The following CPEB3 variants were observed in gnomAD, a reference collection of about 807,000 sequenced individuals.
The protein encoded by CPEB3 is cytoplasmic polyadenylation element binding protein 3.
In CPEB3, 20 loss-of-function variants were observed where a neutral mutation model predicts 67.2. The observed-to-expected ratio is 0.30, with a 90% confidence interval of 0.21 to 0.43. The LOEUF is 0.43. CPEB3 is among the 20% of genes least tolerant of loss of function. The pLI, the probability that CPEB3 is intolerant of heterozygous loss-of-function variation, is 1.00. For missense variants in CPEB3, 746 were observed against 968.6 expected, an observed-to-expected ratio of 0.77 and a Z score of 3.05; for synonymous variants, 376 against 393.1, an observed-to-expected ratio of 0.96 and a Z score of 0.51.
Position 92,111,884 on chromosome 10 carries a change from A to T in CPEB3, c.1454-690T>A, listed in dbSNP as rs191449578. ...CACAAAAAGCTTCAAAAAAGTTTTT[A>T]AAAAGGCCAACAATAAGCTGGTGTG... On this transcript the variant is annotated intron_variant, in intron 6 of 9. Coordinates refer to ENST00000265997, the MANE Select transcript of CPEB3 (RefSeq NM_014912.5). Among the ~76,000 whole-genome samples the T allele has an allele frequency of 1.3e-3, 200 of 152,330 alleles. 1 individual carries two copies. Among genetic ancestry groups the T allele is most frequent in the Middle Eastern group, 3.4e-3 (1 of 294 alleles).
chr10:92,052,975 T>C (rs1405056119), intron 9 of CPEB3, among the ~76,000 whole-genome samples: 1 of 152,080 alleles, frequency 6.6e-6, no homozygotes. Flanking sequence ...AGAGGCACAA[T>C]GAATATGGGA....
intron 4 of CPEB3, among the ~76,000 whole-genome samples, chr10:92,165,761 C>A (rs1431741785): frequency 6.6e-6 from 1 of 152,232 alleles, no homozygotes; most frequent in African/African-American, 2.4e-5. Context: ...AAACCACTTT[C>A]TTTGCTTGTA....
intron 1 of CPEB3, among the ~76,000 whole-genome samples, chr10:92,267,018 G>C (rs1304589628): frequency 6.6e-6 from 1 of 151,750 alleles, no homozygotes; most frequent in East Asian, 1.9e-4. Context: ...TGGGGGACAA[G>C]AGCAAGACTT....
intron 4 of CPEB3, among the ~76,000 whole-genome samples, chr10:92,170,449 C>T (rs757094660): frequency 1.1e-4 from 17 of 152,174 alleles, no homozygotes; most frequent in South Asian, 2.1e-4. Context: ...CTGCATAATA[C>T]TGCTATACCT....
intron 2 of CPEB3, among the ~76,000 whole-genome samples, chr10:92,200,545 C>CAAAAAAA (rs57165866): frequency 7.3e-5 from 4 of 54,556 alleles, no homozygotes; most frequent in African/African-American, 1.6e-4. Flanking sequence ...AACTCCGTCT[C>CAAAAAAA]AAAAAAAAAA....
At chr10:92,111,337 A>G in intron 6 of CPEB3, 143 bp from the exon 7 acceptor site, 1 of 675,200 alleles carries the variant, frequency 1.5e-6, no homozygotes, top group East Asian at 2.5e-5. Context: ...GACTTTGTCC[A>G]GGAACTAAGT....
At chr10:92,192,898 G>C (rs900583758) in intron 2 of CPEB3, among the ~76,000 whole-genome samples, 25 of 152,094 alleles carry the variant, frequency 1.6e-4, no homozygotes, top group African/African-American at 6.0e-4. Context: ...GATTACAGAC[G>C]TGAGCTACCG....
intron 6 of CPEB3, among the ~76,000 whole-genome samples, chr10:92,112,126 C>CTTTTTTTTT (rs201432910): frequency 3.3e-5 from 4 of 122,032 alleles, no homozygotes; most frequent in Non-Finnish European, 5.1e-5. Context: ...GACCACGTTC[C>CTTTTTTTTT]TTTTTTTTTT....
chr10:92,182,933 C>T (rs1848527786), intron 3 of CPEB3, among the ~76,000 whole-genome samples: 1 of 151,700 alleles, frequency 6.6e-6, no homozygotes, highest in Non-Finnish European at 1.5e-5. Context: ...TTAAATACAT[C>T]CATAAATAAG....
At chr10:92,084,159 T>C (rs1441299990) in intron 8 of CPEB3, among the ~76,000 whole-genome samples, 21 of 130,388 alleles carry the variant, frequency 1.6e-4, no homozygotes, top group Non-Finnish European at 3.2e-4. Context: ...AGCAAGACTC[T>C]GTCTCAAAAA....
At chr10:92,083,632 T>C (rs916168638) in intron 8 of CPEB3, among the ~76,000 whole-genome samples, 12 of 152,226 alleles carry the variant, frequency 7.9e-5, no homozygotes, top group African/African-American at 2.9e-4. Context: ...CTCAGGACCC[T>C]GTAAATTAAA....
intron 7 of CPEB3, among the ~76,000 whole-genome samples, chr10:92,110,810 T>A (rs2133480265): frequency 6.6e-6 from 1 of 152,350 alleles, no homozygotes; most frequent in Non-Finnish European, 1.5e-5. Flanking sequence ...GATTCAGAAT[T>A]TCTGAATAGG....
chr10:92,270,437 A>G (rs1030563522), intron 1 of CPEB3, among the ~76,000 whole-genome samples: 3 of 152,184 alleles, frequency 2.0e-5, no homozygotes, highest in Admixed American at 2.0e-4. Context: ...AACTAAAGAA[A>G]GTCAGTAGCC....
intron 6 of CPEB3, among the ~76,000 whole-genome samples, chr10:92,135,014 C>G (rs1384229041): frequency 6.6e-6 from 1 of 152,096 alleles, no homozygotes; most frequent in Non-Finnish European, 1.5e-5. Flanking sequence ...AAAATTAATT[C>G]AAGATGGATT....
At chr10:92,209,541 A>C (rs953403994) in intron 2 of CPEB3, among the ~76,000 whole-genome samples, 6 of 152,202 alleles carry the variant, frequency 3.9e-5, no homozygotes, top group Admixed American at 3.3e-4. Flanking sequence ...AAACAAAAAA[A>C]CAAACAAAAA....
chr10:92,279,541 T>C (rs1842163148), intron 1 of CPEB3, among the ~76,000 whole-genome samples: 1 of 152,144 alleles, frequency 6.6e-6, no homozygotes. Context: ...CATTGTCATC[T>C]TTATTCCTTC....
chr10:92,075,869 T>G (rs1842914393), intron 9 of CPEB3, among the ~76,000 whole-genome samples: 1 of 152,196 alleles, frequency 6.6e-6, no homozygotes, highest in Admixed American at 6.5e-5. Context: ...AGATATCTTT[T>G]TTGGAAAAAG....
intron 9 of CPEB3, among the ~76,000 whole-genome samples, chr10:92,057,336 C>T (rs763925478): frequency 5.9e-5 from 9 of 152,050 alleles, no homozygotes; most frequent in African/African-American, 9.7e-5. Context: ...CTTGGGGTGG[C>T]GGTGGCTGAA....
At chr10:92,263,449 T>C (rs917376017) in intron 1 of CPEB3, among the ~76,000 whole-genome samples, 2 of 152,208 alleles carry the variant, frequency 1.3e-5, no homozygotes, top group Admixed American at 6.5e-5. Flanking sequence ...AATACTGACA[T>C]GTGGATGAGA....
Sources: allele counts gnomAD v4.1 joint callset (sites outside exome capture counted in the v4.1 genomes callset), GRCh38; gene constraint gnomAD v4.1.1; transcripts MANE v1.5; gene names NCBI Gene and HGNC (gene_info 2026-07-23, HGNC 2026-07-21).